Variants in OR2T8 observed in about 807,000 individuals in gnomAD.
OR2T8 encodes olfactory receptor 2T8.
For missense variants in OR2T8, 161 were observed against 389.4 expected, an observed-to-expected ratio of 0.41 and a Z score of 4.94; for synonymous variants, 56 against 154.3, an observed-to-expected ratio of 0.36 and a Z score of 4.72.
chr1:247,921,896 T>G lies in OR2T8; in HGVS notation c.879T>G (p.Ser293Arg), dbSNP rs764983765. 2.5e-6 allele frequency: 4 copies of G among 1,613,954 alleles called. No individual in the cohort carries two copies. The highest frequency in any genetic ancestry group is 3.4e-6 in the Non-Finnish European group (4 of 1,179,986). ...LNPLIYSVKN[S>R]EVKGALTRCM... is the part of the protein sequence containing the mutation. ...CCCTCATCTACAGTGTGAAGAACAG[T>G]GAGGTGAAGGGAGCCCTGACAAGGT... Residue 293 changes from serine to arginine, a missense_variant, in exon 2 of 2, where the codon AGT becomes AGG. By Grantham distance (110) the Ser-to-Arg change is moderately radical (BLOSUM62 -1). Coordinates refer to ENST00000641945, the MANE Select transcript of OR2T8 (RefSeq NM_001005522.2).
Position 247,922,456 on chromosome 1 carries a change from C to T in OR2T8, c.*500C>T, listed in dbSNP as rs185156108. Among the ~76,000 whole-genome samples the T allele has an allele frequency of 1.3e-5, 2 of 152,184 alleles. No individual in the cohort carries two copies. The highest frequency in any genetic ancestry group is 1.5e-5 in the Non-Finnish European group (1 of 68,030). On this transcript the variant is annotated 3_prime_UTR_variant, in exon 2 of 2. Coordinates refer to ENST00000641945, the MANE Select transcript of OR2T8 (RefSeq NM_001005522.2). Reference sequence around the variant, plus strand: ...TGATACCCCAGGCCTAAGATACATCCACTGCTCTAATTTTTATCTCTGTTC... The same window carrying T: ...TGATACCCCAGGCCTAAGATACATCTACTGCTCTAATTTTTATCTCTGTTC...
rs1660031189 is a variant in OR2T8, at chr1:247,922,043, A to T, written c.*87A>T. The T allele has an allele frequency of 1.5e-6, 2 of 1,317,710 alleles. No homozygotes were observed. Among genetic ancestry groups the T allele is most frequent in the Non-Finnish European group, 2.1e-6 (2 of 945,454 alleles). 81.6% of individuals were successfully genotyped at this position (1,317,710 alleles called of 1,614,324 possible). A position where few individuals can be genotyped will look rare whatever the true frequency, so the allele number is the denominator to read the frequency against. On this transcript the variant is annotated 3_prime_UTR_variant, in exon 2 of 2. Coordinates refer to ENST00000641945, the MANE Select transcript of OR2T8 (RefSeq NM_001005522.2). ...ATAAGGAATATACACTTTTATTTCT[A>T]CATCTGTTGTCTCTGTGTGTGTGTG...
Position 247,921,209 on chromosome 1 carries a change from T to G in OR2T8, c.192T>G (p.Leu64=), listed in dbSNP as rs41315864. 3.0e-5 allele frequency: 46 copies of G among 1,525,822 alleles called. 2 individuals carry two copies. In the East Asian group the frequency reaches 7.3e-4, roughly 24 times the overall value. The allele number at this position is 1,525,822 out of a possible 1,614,324, so 94.5% of individuals were successfully genotyped here. A position where few individuals can be genotyped will look rare whatever the true frequency, so the allele number is the denominator to read the frequency against. The part of the protein sequence containing the change: ...HTPMYFLLSQ[L]SLMDVMLVST... Reference sequence around the variant, plus strand: ...CCATGTACTTCCTCCTGAGCCAACTTTCCCTCATGGACGTGATGCTGGTTT... The same window carrying G: ...CCATGTACTTCCTCCTGAGCCAACTGTCCCTCATGGACGTGATGCTGGTTT... Residue 64 remains leucine, a synonymous_variant, in exon 2 of 2, where the codon CTT becomes CTG. Transcript: ENST00000641945.
rs186326095 is a variant in OR2T8, at chr1:247,920,517, T to G, written c.-22T>G. ...TAAGTCAGGGAAAACTGCCTGATTT[T>G]GGTAGGTTTCAATGAGTTTTGATAT... On this transcript the variant is annotated splice_region_variant and 5_prime_UTR_variant, in exon 1 of 2. Transcript: ENST00000641945. The G allele has an allele frequency of 3.1e-3, 471 of 153,414 alleles. No individual in the cohort carries two copies. The highest frequency in any genetic ancestry group is 5.1e-3 in the Non-Finnish European group (354 of 68,776). The allele number at this position is 153,414 out of a possible 1,614,324, so 9.5% of individuals were successfully genotyped here.
rs6587405 is a variant in OR2T8, at chr1:247,922,126, A to C, written c.*170A>C. Among the ~76,000 whole-genome samples, 10,774 of 152,130 alleles carry C rather than the reference A, an allele frequency of 0.071. 1,208 individuals carry two copies. The highest frequency in any genetic ancestry group is 0.24 in the African/African-American group (10,077 of 41,450). Reference sequence around the variant, plus strand: ...CTTCATTCCTCGGGTTCATTTACTCAGCTATCATTACCCAATCAAATCATG... The same window carrying C: ...CTTCATTCCTCGGGTTCATTTACTCCGCTATCATTACCCAATCAAATCATG... On this transcript the variant is annotated 3_prime_UTR_variant, in exon 2 of 2. Coordinates refer to ENST00000641945, the MANE Select transcript of OR2T8 (RefSeq NM_001005522.2).
rs1203053375 is a variant in OR2T8 at position 247,922,649 on chromosome 1, T to G, written c.*693T>G. ...AAGTAGTATTTTGTTTTCTGAAAAT[T>G]TCATCATTTGTTTATCCATTATTTT... On this transcript the variant is annotated 3_prime_UTR_variant, in exon 2 of 2. Coordinates refer to ENST00000641945, the MANE Select transcript of OR2T8 (RefSeq NM_001005522.2). 6.6e-6 allele frequency among the ~76,000 whole-genome samples: 1 copy of G among 152,236 alleles called. No individual in the cohort carries two copies. Among genetic ancestry groups the G allele is most frequent in the Non-Finnish European group, 1.5e-5 (1 of 68,044 alleles).
chr1:247,922,637 T>C lies in OR2T8; in HGVS notation c.*681T>C, dbSNP rs1483470467. On this transcript the variant is annotated 3_prime_UTR_variant, in exon 2 of 2. Transcript: ENST00000641945. ...TTTTTTACTGCTAAGTAGTATTTTGTTTTCTGAAAATTTCATCATTTGTTT... is the reference window on the plus strand; with the variant it reads ...TTTTTTACTGCTAAGTAGTATTTTGCTTTCTGAAAATTTCATCATTTGTTT... Among the ~76,000 whole-genome samples the C allele has an allele frequency of 1.3e-5, 2 of 152,226 alleles. No homozygotes were observed. The highest frequency in any genetic ancestry group is 2.9e-5 in the Non-Finnish European group (2 of 68,038).
rs756184257 is a variant in OR2T8, at chr1:247,921,912, C to T, written c.895C>T (p.Leu299=). Residue 299 remains leucine, a synonymous_variant, in exon 2 of 2, where the codon CTG becomes TTG. Coordinates refer to ENST00000641945, the MANE Select transcript of OR2T8 (RefSeq NM_001005522.2). The stretch of plus-strand genomic sequence containing the variant: ...GAAGAACAGTGAGGTGAAGGGAGCC[C>T]TGACAAGGTGTATGGGTCGGTGTGT... The part of the protein sequence containing the change: ...SVKNSEVKGA[L]TRCMGRCVAL... The T allele has an allele frequency of 6.2e-7, 1 of 1,614,154 alleles. No homozygotes were observed. The highest frequency in any genetic ancestry group is 2.2e-5 in the East Asian group (1 of 44,874).
rs369915360 is a variant in OR2T8, at chr1:247,920,988, C to T, written c.-20-10C>T. On this transcript the variant is annotated splice_polypyrimidine_tract_variant and intron_variant, in intron 1 of 1. Coordinates refer to ENST00000641945, the MANE Select transcript of OR2T8 (RefSeq NM_001005522.2). ...GATAAACACTCTGTCTTCTTTTTCTCCATTTGCAGTGTCACTCTTATTTGA... is the reference window on the plus strand; with the variant it reads ...GATAAACACTCTGTCTTCTTTTTCTTCATTTGCAGTGTCACTCTTATTTGA... The T allele has an allele frequency of 1.3e-4, 193 of 1,539,912 alleles. No individual in the cohort carries two copies. Among genetic ancestry groups the T allele is most frequent in the Non-Finnish European group, 1.6e-4 (178 of 1,130,918 alleles).
Position 247,921,941 on chromosome 1 carries a change from C to A in OR2T8, c.924C>A (p.Ala308=). ...CAAGGTGTATGGGTCGGTGTGTGGC[C>A]TTAAGTCGTGAATAAGACTATATAT... ...ALTRCMGRCV[A]LSRE The change falls in exon 2 of 2, where the codon GCC becomes GCA. Residue 308 remains alanine, a synonymous_variant. Transcript: ENST00000641945. 6.2e-7 allele frequency: 1 copy of A among 1,613,988 alleles called. No homozygotes were observed. The highest frequency in any genetic ancestry group is 8.5e-7 in the Non-Finnish European group (1 of 1,179,984).
chr1:247,921,634 T>C lies in OR2T8; in HGVS notation c.617T>C (p.Leu206Pro). ...AMYICCVLML[L>P]VPFSLILSSY... ...TACATCTGCTGTGTGTTAATGCTCC[T>C]GGTCCCCTTTTCCCTCATCCTGTCC... is the stretch of plus-strand genomic sequence containing the variant. Residue 206 changes from leucine to proline, a missense_variant, in exon 2 of 2, where the codon CTG (leucine) becomes CCG (proline). By Grantham distance (98) the Leu-to-Pro change is moderately conservative (BLOSUM62 -3). Coordinates refer to ENST00000641945, the MANE Select transcript of OR2T8 (RefSeq NM_001005522.2). 2 of 1,368,898 alleles carry C rather than the reference T, an allele frequency of 1.5e-6. No individual in the cohort carries two copies. The highest frequency in any genetic ancestry group is 2.5e-4 in the Middle Eastern group (1 of 4,016). The allele number at this position is 1,368,898 out of a possible 1,614,324, so 84.8% of individuals were successfully genotyped here.
Position 247,920,994 on chromosome 1 carries a change from G to T in OR2T8, c.-20-4G>T. The T allele has an allele frequency of 6.4e-7, 1 of 1,551,130 alleles. No individual in the cohort carries two copies. The highest frequency in any genetic ancestry group is 1.4e-5 in the African/African-American group (1 of 73,432). ...CACTCTGTCTTCTTTTTCTCCATTTGCAGTGTCACTCTTATTTGAAATCAT... is the reference window on the plus strand; with the variant it reads ...CACTCTGTCTTCTTTTTCTCCATTTTCAGTGTCACTCTTATTTGAAATCAT... On this transcript the variant is annotated splice_region_variant and splice_polypyrimidine_tract_variant and intron_variant, in intron 1 of 1. Coordinates refer to ENST00000641945, the MANE Select transcript of OR2T8 (RefSeq NM_001005522.2).
rs747341510 is a variant in OR2T8 at position 247,921,163 on chromosome 1, G to A, written c.146G>A (p.Trp49Ter). 22 of 1,569,304 alleles carry A rather than the reference G, an allele frequency of 1.4e-5. No individual in the cohort carries two copies. The highest frequency in any genetic ancestry group is 6.8e-5 in the South Asian group (6 of 88,860). Residue 49 changes from tryptophan (W) to a stop codon, truncating the protein, a stop_gained, in exon 2 of 2, where the codon TGG becomes TAG. Transcript: ENST00000641945. LOFTEE classifies it low-confidence loss of function (END_TRUNC). ...TCCCTCATGATTCTCCTGATTCACTGGGACCACCGGCTCCACACGCCCATG... is the reference window on the plus strand; with the variant it reads ...TCCCTCATGATTCTCCTGATTCACTAGGACCACCGGCTCCACACGCCCATG... ...GNSLMILLIH[W>*]DHRLHTPMYF...
Position 247,922,076 on chromosome 1 carries a change from G to GA in OR2T8, c.*120_*121insA, listed in dbSNP as rs1660031773. ...TGTCTCTGTGTGTGTGTGTGTTTGT[G>GA]TGTTGCTTTGAATTGCAGATGAATC... On this transcript the variant is annotated 3_prime_UTR_variant, in exon 2 of 2. Transcript: ENST00000641945. The GA allele has an allele frequency of 2.8e-6, 3 of 1,073,926 alleles. No homozygotes were observed. Among genetic ancestry groups the GA allele is most frequent in the African/African-American group, 3.2e-5 (2 of 62,644 alleles). 66.5% of individuals were successfully genotyped at this position (1,073,926 alleles called of 1,614,324 possible). A position where few individuals can be genotyped will look rare whatever the true frequency, so the allele number is the denominator to read the frequency against.
At chr1:247,920,856 A>G in intron 1 of OR2T8, 142 bp from the exon 2 acceptor site, 1 of 616,540 alleles carries the variant, frequency 1.6e-6, no homozygotes. Context: ...TGCACAAATT[A>G]GAACATTTTG....
Position 247,921,928 on chromosome 1 carries a change from G to T in OR2T8, c.911G>T (p.Gly304Val). The T allele has an allele frequency of 1.9e-6, 3 of 1,614,148 alleles. No individual in the cohort carries two copies. In the South Asian group the frequency reaches 3.3e-5, roughly 18 times the overall value. The change falls in exon 2 of 2, where the codon GGT becomes GTT. Residue 304 changes from glycine (G) to valine (V), a missense_variant. Physicochemically the swap from Gly to Val is moderately radical, Grantham distance 109. Transcript: ENST00000641945. The part of the protein sequence containing the change: ...EVKGALTRCM[G>V]RCVALSRE ...AAGGGAGCCCTGACAAGGTGTATGG[G>T]TCGGTGTGTGGCCTTAAGTCGTGAA... is the stretch of plus-strand genomic sequence containing the variant.
chr1:247,920,994 G>GCAGTGTCA lies in OR2T8; in HGVS notation c.-20-2_-15dup. The GCAGTGTCA allele has an allele frequency of 6.4e-7, 1 of 1,551,130 alleles. No homozygotes were observed. The highest frequency in any genetic ancestry group is 1.4e-5 in the African/African-American group (1 of 73,432). ...CACTCTGTCTTCTTTTTCTCCATTT[G>GCAGTGTCA]CAGTGTCACTCTTATTTGAAATCAT... is the stretch of plus-strand genomic sequence containing the variant. On this transcript the variant is annotated splice_polypyrimidine_tract_variant and splice_region_variant and intron_variant, in intron 1 of 1. Transcript: ENST00000641945.
At position 247,921,935 on chromosome 1, in the gene OR2T8, T is replaced by A. The variant is rs746728167; in HGVS notation, c.918T>A (p.Cys306Ter). 2.5e-6 allele frequency: 4 copies of A among 1,614,128 alleles called. 1 individual carries two copies. In the South Asian group the frequency reaches 4.4e-5, roughly 18 times the overall value. ...KGALTRCMGR[C>*]VALSRE is the part of the protein sequence containing the mutation. ...CCCTGACAAGGTGTATGGGTCGGTG[T>A]GTGGCCTTAAGTCGTGAATAAGACT... is the stretch of plus-strand genomic sequence containing the variant. The change falls in exon 2 of 2, where the codon TGT becomes TGA. Residue 306 changes from cysteine (C) to a stop codon, truncating the protein, a stop_gained. Coordinates refer to ENST00000641945, the MANE Select transcript of OR2T8 (RefSeq NM_001005522.2). LOFTEE classifies it low-confidence loss of function (END_TRUNC).
At position 247,922,594 on chromosome 1, in the gene OR2T8, C is replaced by G. The variant is rs1307729956; in HGVS notation, c.*638C>G. Among the ~76,000 whole-genome samples, 3 of 152,102 alleles carry G rather than the reference C, an allele frequency of 2.0e-5. No individual in the cohort carries two copies. On this transcript the variant is annotated 3_prime_UTR_variant, in exon 2 of 2. Coordinates refer to ENST00000641945, the MANE Select transcript of OR2T8 (RefSeq NM_001005522.2). Reference sequence around the variant, plus strand: ...TTCTAAAATCCCTCCACATTTTTACCTCATTGTTACATTGCTTTTTTTTAC... The same window carrying G: ...TTCTAAAATCCCTCCACATTTTTACGTCATTGTTACATTGCTTTTTTTTAC...
Sources: allele counts gnomAD v4.1 joint callset (sites outside exome capture counted in the v4.1 genomes callset), GRCh38; gene constraint gnomAD v4.1.1; transcripts MANE v1.5; gene names NCBI Gene and HGNC (gene_info 2026-07-23, HGNC 2026-07-21).